TECPR1: variants seen among roughly 807,000 people sequenced by gnomAD.
TECPR1 encodes the protein tectonin beta-propeller repeat containing 1.
Under a neutral mutation model 162.4 loss-of-function variants are expected in TECPR1, and 122 were observed. The ratio of observed to expected loss-of-function variants is 0.75; its 90% CI spans 0.65 to 0.87. The LOEUF is 0.87. Ranked by LOEUF, TECPR1 falls within the 40% of genes least tolerant of loss-of-function variation. The pLI, the probability that TECPR1 is intolerant of heterozygous loss-of-function variation, is 0.00. For synonymous variants in TECPR1, 642 were observed against 670.6 expected, an observed-to-expected ratio of 0.96 and a Z score of 0.66; for missense variants, 1,432 against 1,618.2, an observed-to-expected ratio of 0.88 and a Z score of 1.97.
chr7:98,242,042 C>T (rs1395765843), intron 6 of TECPR1, among the ~76,000 whole-genome samples: 3 of 152,344 alleles, frequency 2.0e-5, no homozygotes, highest in East Asian at 3.9e-4. Context: ...CATGGCCCCC[C>T]GATGGGGGCT....
chr7:98,233,368 C>T (rs926076207), intron 11 of TECPR1, 53 bp downstream of exon 11: 2 of 1,411,506 alleles, frequency 1.4e-6, no homozygotes, highest in African/African-American at 2.9e-5. Context: ...ACACCCCACA[C>T]CCCCAGGGCA....
At chr7:98,239,967 G>C (rs557602619) in intron 8 of TECPR1, among the ~76,000 whole-genome samples, 1 of 151,988 alleles carries the variant, frequency 6.6e-6, no homozygotes, top group African/African-American at 2.4e-5. Context: ...AAAATTAGCC[G>C]GGCGTGGTGG....
intron 13 of TECPR1, 114 bp downstream of exon 13, chr7:98,231,690 G>T: frequency 1.5e-6 from 2 of 1,329,750 alleles, no homozygotes; most frequent in Non-Finnish European, 1.0e-6. Flanking sequence ...TCCCTCCCTG[G>T]GCACCCTCAT....
Position 98,228,021 on chromosome 7 carries a change from T to C in TECPR1, c.2506A>G (p.Thr836Ala), listed in dbSNP as rs1400980470. 10 of 1,611,950 alleles carry C rather than the reference T, an allele frequency of 6.2e-6. No homozygotes were observed. Among genetic ancestry groups the C allele is most frequent in the African/African-American group, 1.3e-5 (1 of 75,018 alleles). ...NQRWNPVTGY[T>A]SRGLPTDRYM... is the part of the protein sequence containing the mutation. ...GGCACCTGTGCCACTTACCTGCTGG[T>C]GTAGCCTGTGACGGGGTTCCAGCGC... Residue 836 changes from threonine (T) to alanine (A), a missense_variant, in exon 17 of 26, where the codon ACC (threonine) becomes GCC (alanine). Transcript: ENST00000447648.
chr7:98,220,135 A>G (rs912295688), intron 23 of TECPR1, among the ~76,000 whole-genome samples: 1 of 151,970 alleles, frequency 6.6e-6, no homozygotes, highest in African/African-American at 2.4e-5. Context: ...TGAGGTCAGG[A>G]GTTCGAGACC....
chr7:98,237,720 C>T (rs1798637438), intron 9 of TECPR1, among the ~76,000 whole-genome samples: 2 of 151,668 alleles, frequency 1.3e-5, no homozygotes, highest in Admixed American at 6.6e-5. Context: ...CCACCCACTT[C>T]ACCCTCCCAA....
rs1798421381 is a variant in TECPR1, at chr7:98,231,110, C to G, written c.2133G>C (p.Leu711=). ...GGCTCTCGCAGCAAGACAGGCTGAG[C>G]AGGGCGAGCTGGTGTGGCACAATGC... ...TEQDMNDWLA[L]LSLSCCESRK... The change falls in exon 15 of 26, where the codon CTG becomes CTC. Residue 711 remains leucine (L), a synonymous_variant. Transcript: ENST00000447648. 1 of 1,600,900 alleles carries G rather than the reference C, an allele frequency of 6.2e-7. No individual in the cohort carries two copies. Among genetic ancestry groups the G allele is most frequent in the Middle Eastern group, 1.7e-4 (1 of 6,040 alleles).
intron 19 of TECPR1, among the ~76,000 whole-genome samples, chr7:98,224,396 C>T (rs1169884078): frequency 1.3e-5 from 2 of 152,210 alleles, no homozygotes; most frequent in African/African-American, 4.8e-5. Flanking sequence ...ACACTAAGGG[C>T]CTGGCTCAAA....
At chr7:98,226,255 T>C (rs1240710541) in intron 17 of TECPR1, among the ~76,000 whole-genome samples, 1 of 152,202 alleles carries the variant, frequency 6.6e-6, no homozygotes, top group African/African-American at 2.4e-5. Flanking sequence ...GATGGAAATA[T>C]TTTGGCGATG....
chr7:98,236,259 C>A (rs1381541880), intron 10 of TECPR1, among the ~76,000 whole-genome samples: 1 of 152,190 alleles, frequency 6.6e-6, no homozygotes, highest in Admixed American at 6.5e-5. Context: ...AAGTCTCAAA[C>A]AAACTCGGGG....
At chr7:98,218,071 G>A (rs1282427830) in intron 23 of TECPR1, 29 bp from the exon 24 acceptor site, 84 of 1,528,402 alleles carry the variant, frequency 5.5e-5, no homozygotes, top group Non-Finnish European at 7.1e-5. Flanking sequence ...AGGGTCAAAG[G>A]GGAAGACCTT....
chr7:98,231,038 G>T lies in TECPR1; in HGVS notation c.2205C>A (p.Thr735=). 6.2e-7 allele frequency: 1 copy of T among 1,612,716 alleles called. No individual in the cohort carries two copies. The highest frequency in any genetic ancestry group is 8.5e-7 in the Non-Finnish European group (1 of 1,179,622). Residue 735 remains threonine (T), a synonymous_variant, in exon 15 of 26, where the codon ACC becomes ACA. Transcript: ENST00000447648. ...CGCTCACGAAGATGTCCCCCTTGCA[G>T]GTGATGGACCAGATGGCCTGCGGGG... ...RPSPQAIWSI[T]CKGDIFVSEP...
In TECPR1 at chr7:98,217,424, G is replaced by C; in HGVS notation, c.3464C>G (p.Ala1155Gly). ...GACGGGGCCATGGGCCTCTGGTGGGGCACTCGGCTCCTGCTCCTGGGACGA... is the reference window on the plus strand; with the variant it reads ...GACGGGGCCATGGGCCTCTGGTGGGCCACTCGGCTCCTGCTCCTGGGACGA... ...RSSSQEQEPS[A>G]PPEAHGPVCC Residue 1155 changes from alanine to glycine, a missense_variant, in exon 26 of 26, where the codon GCC (alanine) becomes GGC (glycine). By Grantham distance (60) the Ala-to-Gly change is moderately conservative. Coordinates refer to ENST00000447648, the MANE Select transcript of TECPR1 (RefSeq NM_015395.3). 6.2e-7 allele frequency: 1 copy of C among 1,606,390 alleles called. No homozygotes were observed. The highest frequency in any genetic ancestry group is 8.5e-7 in the Non-Finnish European group (1 of 1,176,706).
chr7:98,244,963 T>G lies in TECPR1; in HGVS notation c.330A>C (p.Ala110=), dbSNP rs753125100. 1 of 1,612,876 alleles carries G rather than the reference T, an allele frequency of 6.2e-7. No individual in the cohort carries two copies. Among genetic ancestry groups the G allele is most frequent in the Non-Finnish European group, 8.5e-7 (1 of 1,179,842 alleles). Reference sequence around the variant, plus strand: ...CCCACTCCCAGTGCGGCGAGGGCAGTGCCACCCTGTCCAGCGGCCGGTGCT... The same window carrying G: ...CCCACTCCCAGTGCGGCGAGGGCAGGGCCACCCTGTCCAGCGGCCGGTGCT... ...GLQHRPLDRV[A]LPSPHWEWES... Residue 110 remains alanine (A), a synonymous_variant, in exon 4 of 26, where the codon GCA becomes GCC. Transcript: ENST00000447648.
chr7:98,224,193 A>T (rs1175507360), intron 19 of TECPR1, among the ~76,000 whole-genome samples: 1 of 152,200 alleles, frequency 6.6e-6, no homozygotes, highest in Admixed American at 6.5e-5. Context: ...TGGTCTGCTC[A>T]GAAGCCACCT....
In TECPR1 at chr7:98,217,964, C is replaced by T; in HGVS notation, c.3236G>A (p.Cys1079Tyr). ...SSWEHVSNNV[C>Y]RVSVGPLDQV... ...GTCCAGGGGCCCCACGGACACTCGG[C>T]ACACGTTGTTGGACACGTGCTCCCA... Residue 1079 changes from cysteine to tyrosine, a missense_variant, in exon 24 of 26, where the codon TGC (cysteine) becomes TAC (tyrosine). Physicochemically the swap from Cys to Tyr is radical, Grantham distance 194 (BLOSUM62 -2). Coordinates refer to ENST00000447648, the MANE Select transcript of TECPR1 (RefSeq NM_015395.3). 2 of 1,560,126 alleles carry T rather than the reference C, an allele frequency of 1.3e-6. No individual in the cohort carries two copies. The highest frequency in any genetic ancestry group is 1.7e-6 in the Non-Finnish European group (2 of 1,152,438).
intron 17 of TECPR1, among the ~76,000 whole-genome samples, chr7:98,225,779 G>A (rs1471865964): frequency 1.3e-5 from 2 of 152,102 alleles, no homozygotes; most frequent in Non-Finnish European, 2.9e-5. Context: ...TCAGCCTCCT[G>A]AGTAGCTGGG....
intron 23 of TECPR1, among the ~76,000 whole-genome samples, chr7:98,221,135 C>T (rs959886361): frequency 5.3e-5 from 8 of 151,992 alleles, no homozygotes; most frequent in African/African-American, 1.9e-4. Context: ...AACCCCGCCT[C>T]TACTAAAAAT....
chr7:98,230,742 G>C (rs1422561645), intron 15 of TECPR1, among the ~76,000 whole-genome samples: 1 of 152,190 alleles, frequency 6.6e-6, no homozygotes, highest in Non-Finnish European at 1.5e-5. Context: ...GGGCGGCACT[G>C]ACCCACCCTG....
Sources: gnomAD v4.1 joint callset for allele counts (sites outside exome capture counted in the v4.1 genomes callset) on GRCh38, gnomAD v4.1.1 for gene constraint, MANE v1.5 for transcripts, NCBI Gene and HGNC (gene_info 2026-07-23, HGNC 2026-07-21) for gene names.